Variants in BAZ2B observed in about 807,000 individuals in gnomAD.
BAZ2B encodes the protein bromodomain adjacent to zinc finger domain 2B.
In BAZ2B, 91 loss-of-function variants were observed where a neutral mutation model predicts 246.0. The ratio of observed to expected loss-of-function variants is 0.37; its 90% confidence interval spans 0.31 to 0.44. The LOEUF is 0.44. Among genes scored for constraint, BAZ2B ranks in the 20% least tolerant of loss-of-function variants. The probability of loss-of-function intolerance (pLI) is 1.00; values close to 1 mark genes in which losing one functional copy is unlikely to be tolerated. For missense variants in BAZ2B, 2,332 were observed against 2,533.7 expected (o/e 0.92, Z 1.71); for synonymous variants, 855 against 860.0 (o/e 0.99, Z 0.10).
chr2:159,490,224 A>T (rs959052181), intron 2 of BAZ2B, among the ~76,000 whole-genome samples: 1 of 152,228 alleles, frequency 6.6e-6, no homozygotes, highest in African/African-American at 2.4e-5. Context: ...TACATCAAAC[A>T]GATATGAAAT....
In BAZ2B at chr2:159,357,616, G is replaced by A. The variant is rs1170650225; in HGVS notation, c.4214-7259C>T. On this transcript the variant is annotated intron_variant, in intron 27 of 36. Coordinates refer to ENST00000392783, the MANE Select transcript of BAZ2B (RefSeq NM_013450.4). ...GCCAACATTAAAAAATACAGAGAAC[G>A]CCACAAAGATACTCCTTGAGAAGAG... is the stretch of plus-strand genomic sequence containing the variant. Among the ~76,000 whole-genome samples the A allele has an allele frequency of 2.6e-5, 4 of 151,996 alleles. No individual in the cohort carries two copies. In the East Asian group the frequency reaches 5.8e-4, roughly 22 times the overall value.
chr2:159,492,947 C>T (rs1415164724), intron 2 of BAZ2B, among the ~76,000 whole-genome samples: 3 of 152,120 alleles, frequency 2.0e-5, no homozygotes, highest in Non-Finnish European at 4.4e-5. Context: ...TTGACACTTT[C>T]GGCACCAACA....
chr2:159,369,467 G>A (rs753664872), intron 27 of BAZ2B, among the ~76,000 whole-genome samples: 1 of 152,172 alleles, frequency 6.6e-6, no homozygotes, highest in Non-Finnish European at 1.5e-5. Flanking sequence ...ATGACAGAAT[G>A]TGATGGAAGG....
Position 159,350,158 on chromosome 2 carries a change from C to G in BAZ2B, c.4413G>C (p.Lys1471Asn), listed in dbSNP as rs147334374. The change falls in exon 28 of 37, where the codon AAG becomes AAC. Residue 1471 changes from lysine (K) to asparagine (N), a missense_variant. Coordinates refer to ENST00000392783, the MANE Select transcript of BAZ2B (RefSeq NM_013450.4). ...QKPGSFSKLSKLLEVAKMPPE... is the reference protein window; with the variant it reads ...QKPGSFSKLSNLLEVAKMPPE... ...GAGGCATCTTAGCTACTTCCAAAAG[C>G]TTGCTTAATTTGGAAAAAGAGCCAG... 1,358 of 1,613,896 alleles carry G rather than the reference C, an allele frequency of 8.4e-4. No homozygotes were observed. The highest frequency in any genetic ancestry group is 1.1e-3 in the Non-Finnish European group (1,264 of 1,179,976).
At chr2:159,498,603 T>G (rs1230891525) in intron 2 of BAZ2B, among the ~76,000 whole-genome samples, 2 of 152,192 alleles carry the variant, frequency 1.3e-5, no homozygotes, top group African/African-American at 2.4e-5. Context: ...AAAATTAATT[T>G]TGTTCAGACT....
At chr2:159,673,667 T>C in the BAZ2B span, among the ~76,000 whole-genome samples, 3 of 146,152 alleles carry the variant, frequency 2.1e-5, no homozygotes, top group Admixed American at 2.0e-4. Flanking sequence ...ACAAATTATG[T>C]AGCTGTAAAA....
intron 18 of BAZ2B, among the ~76,000 whole-genome samples, chr2:159,397,744 A>G (rs936805134): frequency 6.6e-6 from 1 of 152,192 alleles, no homozygotes; most frequent in Non-Finnish European, 1.5e-5. Context: ...TAACCCACAC[A>G]TGTATTTTTA....
At chr2:159,532,484 C>T (rs1490334985) in intron 2 of BAZ2B, among the ~76,000 whole-genome samples, 1 of 152,102 alleles carries the variant, frequency 6.6e-6, no homozygotes, top group Non-Finnish European at 1.5e-5. Context: ...AGACTCATGG[C>T]CTCAAACTGC....
Position 159,453,632 on chromosome 2 carries a change from G to A in BAZ2B, c.315C>T (p.Pro105=). ...LGTPTALAAH[P]QLASFPGAEW... is the part of the protein sequence containing the mutation. ...GTTTACCTGGAAAAGATGCTAGTTG[G>A]GGATGTGCGGCTAAGGCTGTGGGTG... The change falls in exon 4 of 37, where the codon CCC becomes CCT. Residue 105 remains proline, a synonymous_variant. Transcript: ENST00000392783. The A allele has an allele frequency of 6.2e-7, 1 of 1,608,814 alleles. No individual in the cohort carries two copies. The highest frequency in any genetic ancestry group is 8.5e-7 in the Non-Finnish European group (1 of 1,177,382).
chr2:159,595,136 C>T (rs1049303602), intron 1 of BAZ2B, among the ~76,000 whole-genome samples: 2 of 148,604 alleles, frequency 1.3e-5, no homozygotes, highest in Admixed American at 6.7e-5. Flanking sequence ...GAGTTTTGCT[C>T]TTGTTGCCCA....
chr2:159,521,469 T>G (rs6432533), intron 2 of BAZ2B, among the ~76,000 whole-genome samples: 152,156 of 152,156 alleles, frequency 1, 76,078 homozygotes, highest in Non-Finnish European at 1. Context: ...TATTCATTTT[T>G]CTGCAGAAGA....
At chr2:159,697,716 T>A in the BAZ2B span, among the ~76,000 whole-genome samples, 3 of 152,122 alleles carry the variant, frequency 2.0e-5, no homozygotes, top group Non-Finnish European at 4.4e-5. Flanking sequence ...AATTACTATC[T>A]TCTTAAATAT....
chr2:159,583,758 T>G (rs1559835974), intron 1 of BAZ2B, among the ~76,000 whole-genome samples: 1 of 152,186 alleles, frequency 6.6e-6, no homozygotes, highest in East Asian at 1.9e-4. Flanking sequence ...GGGGTGGAAA[T>G]AAAGCAGAAA....
chr2:159,595,536 T>TATAC (rs1690491768), intron 1 of BAZ2B, among the ~76,000 whole-genome samples: 1 of 152,230 alleles, frequency 6.6e-6, no homozygotes, highest in Admixed American at 6.5e-5. Context: ...ATTCTACTAG[T>TATAC]CTGCTAAAAT....
chr2:159,357,606 T>G (rs1008071635), intron 27 of BAZ2B, among the ~76,000 whole-genome samples: 1 of 151,412 alleles, frequency 6.6e-6, no homozygotes, highest in Non-Finnish European at 1.5e-5. Context: ...CATTAAAAAA[T>G]ACAGAGAACG....
the BAZ2B span, among the ~76,000 whole-genome samples, chr2:159,662,982 T>A: frequency 1.3e-5 from 2 of 152,172 alleles, no homozygotes; most frequent in Admixed American, 6.5e-5. Flanking sequence ...TAAATATGTA[T>A]TTTGATTCTT....
chr2:159,331,420 T>C (rs756126960), intron 34 of BAZ2B, among the ~76,000 whole-genome samples: 12 of 152,288 alleles, frequency 7.9e-5, no homozygotes, highest in Non-Finnish European at 1.6e-4. Context: ...CAGGCTGGAG[T>C]GCAGTGGCAT....
At chr2:159,550,157 C>T (rs1308533066) in intron 2 of BAZ2B, among the ~76,000 whole-genome samples, 3 of 152,158 alleles carry the variant, frequency 2.0e-5, no homozygotes, top group African/African-American at 7.2e-5. Context: ...ATGGCATAAA[C>T]ATTCTTCATC....
chr2:159,485,069 T>A (rs571150504), intron 2 of BAZ2B, among the ~76,000 whole-genome samples: 1 of 152,306 alleles, frequency 6.6e-6, no homozygotes, highest in South Asian at 2.1e-4. Flanking sequence ...AGGTAGTCAC[T>A]ATGCTACTTC....
Sources: allele counts gnomAD v4.1 joint callset (sites outside exome capture counted in the v4.1 genomes callset), GRCh38; gene constraint gnomAD v4.1.1; transcripts MANE v1.5; gene names NCBI Gene and HGNC (gene_info 2026-07-23, HGNC 2026-07-21).